Variants in FLACC1 observed in about 807,000 individuals in gnomAD.
FLACC1 encodes the protein flagellum associated containing coiled-coil domains 1.
In FLACC1, 66 loss-of-function variants were observed where a neutral mutation model predicts 62.8. The ratio of observed to expected loss-of-function variants is 1.05; its 90% CI spans 0.86 to 1.29. FLACC1 has a LOEUF of 1.29. FLACC1 is among the 50% of genes most tolerant of loss of function. The probability of loss-of-function intolerance (pLI) is 0.00; values close to 1 mark genes in which losing one functional copy is unlikely to be tolerated. For missense variants in FLACC1, 452 were observed against 489.1 expected, an observed-to-expected ratio of 0.92 and a Z score of 0.71; for synonymous variants, 156 against 161.0, an observed-to-expected ratio of 0.97 and a Z score of 0.24.
rs1442615064 is a variant in FLACC1, at chr2:201,344,346, ATGGTGAGAGCTGGCC to A, written c.369-98_369-84del. Reference sequence around the variant, plus strand: ...GCCCCTGAGCATGACTGACTCTGGCATGGTGAGAGCTGGCCTGGTGAGAGCTGGCCATGTTCTGCA... The same window carrying A: ...GCCCCTGAGCATGACTGACTCTGGCATGGTGAGAGCTGGCCATGTTCTGCA... On this transcript the variant is annotated intron_variant, in intron 5 of 14. Coordinates refer to ENST00000392257, the MANE Select transcript of FLACC1 (RefSeq NM_001127391.3). 49 of 947,404 alleles carry A rather than the reference ATGGTGAGAGCTGGCC, an allele frequency of 5.2e-5. No individual in the cohort carries two copies. In the Middle Eastern group the frequency reaches 1.3e-3, roughly 24 times the overall value. The allele number at this position is 947,404 out of a possible 1,614,324, so 58.7% of individuals were successfully genotyped here.
intron 9 of FLACC1, among the ~76,000 whole-genome samples, chr2:201,328,876 C>T (rs1950543151): frequency 6.6e-6 from 1 of 152,140 alleles, no homozygotes; most frequent in Non-Finnish European, 1.5e-5. Context: ...TTTCAACATT[C>T]TAAATGGAAT....
chr2:201,351,196 C>T, intron 2 of FLACC1, 96 bp downstream of exon 2: 1 of 1,124,106 alleles, frequency 8.9e-7, no homozygotes, highest in East Asian at 2.5e-5. Context: ...TGGGATTTTC[C>T]TGCCACACTT....
intron 4 of FLACC1, among the ~76,000 whole-genome samples, chr2:201,347,234 T>C (rs1158383867): frequency 6.6e-6 from 1 of 152,256 alleles, no homozygotes; most frequent in Admixed American, 6.5e-5. Flanking sequence ...GGGCCTCTGC[T>C]GGCCTGGACC....
chr2:201,341,392 CATATAT>C (rs36018666), intron 7 of FLACC1, among the ~76,000 whole-genome samples: 2 of 146,134 alleles, frequency 1.4e-5, no homozygotes, highest in African/African-American at 5.0e-5. Flanking sequence ...TCATAAGATT[CATATAT>C]ATATATATAT....
At position 201,288,772 on chromosome 2, in the gene FLACC1, T is replaced by G. The variant is rs1949651553; in HGVS notation, c.1152A>C (p.Ile384=). 6.2e-7 allele frequency: 1 copy of G among 1,613,418 alleles called. No homozygotes were observed. Among genetic ancestry groups the G allele is most frequent in the Non-Finnish European group, 8.5e-7 (1 of 1,179,982 alleles). The change falls in exon 15 of 15, where the codon ATA becomes ATC. Residue 384 remains isoleucine (I), a synonymous_variant. Coordinates refer to ENST00000392257, the MANE Select transcript of FLACC1 (RefSeq NM_001127391.3). ...CACAAATTTCTTCATTCTTAGAAATTATCTTTTGCCTGTAAAAAGAAAGGA... is the reference window on the plus strand; with the variant it reads ...CACAAATTTCTTCATTCTTAGAAATGATCTTTTGCCTGTAAAAAGAAAGGA... ...TEENIHLKQK[I]ISKNEEICEG...
chr2:201,333,071 C>T (rs925380813), intron 7 of FLACC1, among the ~76,000 whole-genome samples: 7 of 152,132 alleles, frequency 4.6e-5, no homozygotes, highest in East Asian at 1.9e-4. Context: ...GGTAAGCACT[C>T]GGAAGTGGGA....
intron 9 of FLACC1, among the ~76,000 whole-genome samples, chr2:201,309,905 C>CAAA (rs1161849891): frequency 1.5e-3 from 68 of 43,998 alleles, no homozygotes; most frequent in Non-Finnish European, 2.0e-3. Flanking sequence ...GACTCTGTCT[C>CAAA]AAAAAAAAAA....
Position 201,346,393 on chromosome 2 carries a change from G to A in FLACC1, c.368+149C>T. ...TGGAGAGATGCATCATCAGGAAGCAGGGGCGAGGAGGGAGGTGCCCTTGCG... is the reference window on the plus strand; with the variant it reads ...TGGAGAGATGCATCATCAGGAAGCAAGGGCGAGGAGGGAGGTGCCCTTGCG... On this transcript the variant is annotated intron_variant, in intron 5 of 14. Coordinates refer to ENST00000392257, the MANE Select transcript of FLACC1 (RefSeq NM_001127391.3). This position sits in a 1 kb window ranked among gnomAD's most constrained non-coding sequence, Gnocchi z 4.0. 1 of 1,068,204 alleles carries A rather than the reference G, an allele frequency of 9.4e-7. No individual in the cohort carries two copies. Among genetic ancestry groups the A allele is most frequent in the South Asian group, 1.5e-5 (1 of 64,818 alleles). 66.2% of individuals were successfully genotyped at this position (1,068,204 alleles called of 1,614,324 possible).
At position 201,288,678 on chromosome 2, in the gene FLACC1, T is replaced by C. The variant is rs773223342; in HGVS notation, c.1246A>G (p.Ser416Gly). The C allele has an allele frequency of 1.1e-5, 17 of 1,613,916 alleles. No individual in the cohort carries two copies. The highest frequency in any genetic ancestry group is 1.4e-5 in the Non-Finnish European group (16 of 1,179,920). Residue 416 changes from serine (S) to glycine (G), a missense_variant, in exon 15 of 15, where the codon AGC (serine) becomes GGC (glycine). By Grantham distance (56) the Ser-to-Gly change is moderately conservative. Around this residue, in one of 3 missense-constraint regions of FLACC1, gnomAD observed 301 missense variants for 318.4 expected, o/e 0.95. Transcript: ENST00000392257. The part of the protein sequence containing the change: ...KDDSDTVQDG[S>G]KKGQES ...GTTTATGATTCTTGTCCTTTCTTGC[T>C]ACCATCTTGCACAGTGTCAGAATCA...
At chr2:201,319,348 A>G (rs1432569512) in intron 9 of FLACC1, among the ~76,000 whole-genome samples, 1 of 152,172 alleles carries the variant, frequency 6.6e-6, no homozygotes, top group Non-Finnish European at 1.5e-5. Flanking sequence ...TTCACCATAT[A>G]CAAAAATCAA....
chr2:201,345,915 A>G (rs573703651), intron 5 of FLACC1, among the ~76,000 whole-genome samples: 5 of 152,304 alleles, frequency 3.3e-5, no homozygotes, highest in African/African-American at 1.2e-4. Flanking sequence ...CTATAATCCC[A>G]GCACTTTGGG....
At chr2:201,344,057 A>G (rs1950864124) in intron 6 of FLACC1, 113 bp downstream of exon 6, 4 of 848,506 alleles carry the variant, frequency 4.7e-6, no homozygotes, top group Non-Finnish European at 5.6e-6. Context: ...TGTCACCTGG[A>G]CAACATGGCT....
At chr2:201,323,826 AAAAG>A (rs1193008802) in intron 9 of FLACC1, among the ~76,000 whole-genome samples, 9 of 149,996 alleles carry the variant, frequency 6.0e-5, no homozygotes, top group African/African-American at 2.2e-4. Flanking sequence ...GGAAGGAAAG[AAAAG>A]AAAGAAAGGT....
At chr2:201,308,345 C>G (rs530574440) in intron 10 of FLACC1, among the ~76,000 whole-genome samples, 2 of 152,184 alleles carry the variant, frequency 1.3e-5, no homozygotes, top group African/African-American at 4.8e-5. Context: ...AGCAGCTCCC[C>G]CTCCCGTTCC....
intron 7 of FLACC1, among the ~76,000 whole-genome samples, chr2:201,339,197 G>A (rs1446686170): frequency 6.6e-6 from 1 of 152,004 alleles, no homozygotes; most frequent in Non-Finnish European, 1.5e-5. Flanking sequence ...TAGTTTGTTA[G>A]TGTTAGTTAT....
upstream of FLACC1, among the ~76,000 whole-genome samples, chr2:201,362,388 T>C (rs1299658342): frequency 6.6e-6 from 1 of 152,150 alleles, no homozygotes; most frequent in Non-Finnish European, 1.5e-5. Context: ...CCTTGGCTCC[T>C]TGGAAATAGC....
chr2:201,350,617 G>T (rs1192774836), intron 3 of FLACC1, 94 bp downstream of exon 3: 2 of 1,053,718 alleles, frequency 1.9e-6, no homozygotes, highest in Admixed American at 4.3e-5. Flanking sequence ...GGAGGCAGAG[G>T]TTGCAGTGAG....
rs140281898 is a variant in FLACC1, at chr2:201,350,761, A to G, written c.135T>C (p.Ala45=). The change falls in exon 3 of 15, where the codon GCT becomes GCC. Residue 45 remains alanine, a synonymous_variant. Transcript: ENST00000392257. ...GTTGGAGGTAATTGTGATTTTTTGG[A>G]GCTGGTACAAGAGGAGTTAGCCTGA... ...GSSKLTPLVP[A]PKNHNYLQPT... 195 of 1,613,470 alleles carry G rather than the reference A, an allele frequency of 1.2e-4. No individual in the cohort carries two copies. The African/African-American group carries it at 2.5e-3, about 20-fold the overall frequency.
rs1421758725 is a variant in FLACC1 at position 201,288,881 on chromosome 2, A to G, written c.1143-100T>C. On this transcript the variant is annotated intron_variant, in intron 14 of 14. Coordinates refer to ENST00000392257, the MANE Select transcript of FLACC1 (RefSeq NM_001127391.3). ...GAGAGAAATGTGCCTTCGTTCCTTC[A>G]CCACAGCAGTCTCTCACTCATTACT... is the stretch of plus-strand genomic sequence containing the variant. 4 of 1,360,228 alleles carry G rather than the reference A, an allele frequency of 2.9e-6. No homozygotes were observed. In the African/African-American group the frequency reaches 4.4e-5, roughly 15 times the overall value. The allele number at this position is 1,360,228 out of a possible 1,614,324, so 84.3% of individuals were successfully genotyped here. A position where few individuals can be genotyped will look rare whatever the true frequency, so the allele number is the denominator to read the frequency against.
Sources: allele counts gnomAD v4.1 joint callset (sites outside exome capture counted in the v4.1 genomes callset), GRCh38; gene constraint gnomAD v4.1.1; regional missense constraint gnomAD v4.1.1; non-coding constraint Gnocchi (gnomAD v3.1); transcripts MANE v1.5; gene names NCBI Gene and HGNC (gene_info 2026-07-23, HGNC 2026-07-21).